The following SORCS3 variants were observed in gnomAD, a reference collection of about 807,000 sequenced individuals.
The protein encoded by SORCS3 is sortilin related VPS10 domain containing receptor 3, also known as VPS10 domain-containing receptor SorCS3.
SORCS3 carries 57 observed loss-of-function variants against 146.3 expected under a neutral mutation model. The ratio of observed to expected loss-of-function variants is 0.39; its 90% confidence interval spans 0.31 to 0.49. The LOEUF (loss-of-function observed/expected upper bound fraction) is 0.49, where lower values mean the gene tolerates loss of function less well. Among genes scored for constraint, SORCS3 ranks in the 20% least tolerant of loss-of-function variants. The probability of loss-of-function intolerance (pLI) is 0.92; values close to 1 mark genes in which losing one functional copy is unlikely to be tolerated. For missense variants in SORCS3, 1,341 were observed against 1,575.5 expected (o/e 0.85, Z 2.52); for synonymous variants, 653 against 618.5 (o/e 1.06, Z -0.83).
intron 4 of SORCS3, among the ~76,000 whole-genome samples, chr10:104,996,625 A>G (rs561318461): frequency 1.3e-5 from 2 of 152,308 alleles, no homozygotes; most frequent in East Asian, 3.9e-4. Flanking sequence ...CACACACTCA[A>G]GTGCCCATGG....
chr10:104,930,288 G>T (rs1215956882), intron 3 of SORCS3, among the ~76,000 whole-genome samples: 1 of 152,196 alleles, frequency 6.6e-6, no homozygotes, highest in South Asian at 2.1e-4. Flanking sequence ...GCCAAGTCAG[G>T]TTTTGAAACC....
At chr10:104,870,711 C>A (rs933405738) in intron 2 of SORCS3, among the ~76,000 whole-genome samples, 1 of 152,020 alleles carries the variant, frequency 6.6e-6, no homozygotes, top group Non-Finnish European at 1.5e-5. Flanking sequence ...GGCTGTGATA[C>A]GGTCATTTTC....
chr10:105,212,885 G>A (rs537046843), intron 17 of SORCS3, among the ~76,000 whole-genome samples: 1 of 152,278 alleles, frequency 6.6e-6, no homozygotes, highest in Admixed American at 6.5e-5. Context: ...AATCTTGACT[G>A]TCTAGACCAG....
At chr10:105,086,251 C>A (rs1237586426) in intron 5 of SORCS3, among the ~76,000 whole-genome samples, 1 of 152,136 alleles carries the variant, frequency 6.6e-6, no homozygotes, top group Non-Finnish European at 1.5e-5. Context: ...TGGCCAAAAG[C>A]ACATAGCTGG....
At chr10:105,102,674 G>A (rs559391858) in intron 6 of SORCS3, among the ~76,000 whole-genome samples, 2 of 151,130 alleles carry the variant, frequency 1.3e-5, no homozygotes, top group African/African-American at 4.9e-5. Context: ...TAAAATAGAA[G>A]TTGGAAAGGA....
intron 2 of SORCS3, among the ~76,000 whole-genome samples, chr10:104,902,786 G>C (rs2018864962): frequency 6.6e-6 from 1 of 152,168 alleles, no homozygotes; most frequent in African/African-American, 2.4e-5. Flanking sequence ...AACACTGCTT[G>C]ATGGCAACTA....
intron 2 of SORCS3, among the ~76,000 whole-genome samples, chr10:104,877,639 A>G (rs2133573017): frequency 6.6e-6 from 1 of 152,304 alleles, no homozygotes; most frequent in East Asian, 1.9e-4. Flanking sequence ...AGATGTATAC[A>G]AATCATTTCA....
At chr10:104,789,552 T>G (rs2017473458) in intron 1 of SORCS3, among the ~76,000 whole-genome samples, 1 of 152,232 alleles carries the variant, frequency 6.6e-6, no homozygotes, top group Non-Finnish European at 1.5e-5. Context: ...AGGGTGTTAC[T>G]GGGTTCTAAC....
At chr10:105,097,412 G>A (rs899014461) in intron 6 of SORCS3, among the ~76,000 whole-genome samples, 3 of 152,116 alleles carry the variant, frequency 2.0e-5, no homozygotes, top group Non-Finnish European at 4.4e-5. Flanking sequence ...TTCTCTGAAT[G>A]TCCCTGCACA....
chr10:105,159,125 G>A, intron 11 of SORCS3, 131 bp downstream of exon 11: 1 of 617,632 alleles, frequency 1.6e-6, no homozygotes. Context: ...AAAATATGCA[G>A]GGTTCCTCAA....
At chr10:104,994,238 G>T (rs904614120) in intron 4 of SORCS3, among the ~76,000 whole-genome samples, 1 of 152,192 alleles carries the variant, frequency 6.6e-6, no homozygotes, top group African/African-American at 2.4e-5. Context: ...ATTGCAATAA[G>T]TGCTGTAAAA....
At chr10:104,885,820 C>A (rs1000135022) in intron 2 of SORCS3, among the ~76,000 whole-genome samples, 1 of 152,128 alleles carries the variant, frequency 6.6e-6, no homozygotes, top group Non-Finnish European at 1.5e-5. Flanking sequence ...CTGAGAATTT[C>A]TCTTAGCTTT....
chr10:104,710,760 C>A (rs994952155), intron 1 of SORCS3, among the ~76,000 whole-genome samples: 1 of 151,932 alleles, frequency 6.6e-6, no homozygotes, highest in Non-Finnish European at 1.5e-5. Flanking sequence ...TTCTCCAGAC[C>A]AACTTCTTTG....
intron 1 of SORCS3, among the ~76,000 whole-genome samples, chr10:104,691,537 C>T (rs968439358): frequency 6.6e-6 from 1 of 152,146 alleles, no homozygotes; most frequent in Admixed American, 6.5e-5. Flanking sequence ...GACCATTTGA[C>T]CCTGGCTCTG....
intron 2 of SORCS3, among the ~76,000 whole-genome samples, chr10:104,864,265 T>A (rs2018436572): frequency 6.6e-6 from 1 of 152,132 alleles, no homozygotes; most frequent in Non-Finnish European, 1.5e-5. Flanking sequence ...TAAAAAGATT[T>A]TTCTCTGCTG....
intron 14 of SORCS3, among the ~76,000 whole-genome samples, chr10:105,179,082 A>G (rs2056426598): frequency 6.6e-6 from 1 of 152,212 alleles, no homozygotes; most frequent in African/African-American, 2.4e-5. Context: ...GGAGCCAATA[A>G]GTGATCAGTT....
intron 1 of SORCS3, among the ~76,000 whole-genome samples, chr10:104,680,874 G>A (rs1192742488): frequency 6.6e-6 from 1 of 152,212 alleles, no homozygotes; most frequent in Non-Finnish European, 1.5e-5. Flanking sequence ...GCACCAGCAA[G>A]AAGGAGGCAA....
At chr10:104,954,667 C>T (rs1188584839) in intron 3 of SORCS3, among the ~76,000 whole-genome samples, 1 of 152,188 alleles carries the variant, frequency 6.6e-6, no homozygotes, top group African/African-American at 2.4e-5. Flanking sequence ...TGAGCTGGAA[C>T]TGGGCATCGC....
At chr10:104,848,013 C>T (rs1157190361) in intron 2 of SORCS3, among the ~76,000 whole-genome samples, 1 of 152,156 alleles carries the variant, frequency 6.6e-6, no homozygotes, top group East Asian at 1.9e-4. Context: ...TTACACCATA[C>T]TGGTGATTCG....
Sources: gnomAD v4.1 joint callset for allele counts (sites outside exome capture counted in the v4.1 genomes callset) on GRCh38, gnomAD v4.1.1 for gene constraint, MANE v1.5 for transcripts, NCBI Gene and HGNC (gene_info 2026-07-23, HGNC 2026-07-21) for gene names.